DOCK3: variants seen among roughly 807,000 people sequenced by gnomAD.
DOCK3 encodes the protein dedicator of cytokinesis 3.
Under a neutral mutation model 265.6 loss-of-function variants are expected in DOCK3, and 60 were observed. The observed-to-expected ratio is 0.23, with a 90% CI of 0.18 to 0.28. The LOEUF (loss-of-function observed/expected upper bound fraction) is 0.28, where lower values mean the gene tolerates loss of function less well. Ranked by LOEUF, DOCK3 falls within the 10% of genes least tolerant of loss-of-function variation. The pLI is 1.00. For missense variants in DOCK3, 1,981 were observed against 2,594.3 expected (o/e 0.76, Z 5.14); for synonymous variants, 881 against 938.0 (o/e 0.94, Z 1.11).
chr3:51,187,293 G>A (rs1278703198), intron 12 of DOCK3, among the ~76,000 whole-genome samples: 1 of 152,204 alleles, frequency 6.6e-6, no homozygotes, highest in African/African-American at 2.4e-5. Context: ...CTTGCATGGG[G>A]CCTGTAGCCC....
At chr3:51,158,965 A>G (rs1183372136) in intron 10 of DOCK3, among the ~76,000 whole-genome samples, 4 of 152,224 alleles carry the variant, frequency 2.6e-5, no homozygotes, top group Non-Finnish European at 5.9e-5. Flanking sequence ...AGGCGATATC[A>G]TGAAGATTTC....
rs1194808368 is a variant in DOCK3 at position 51,064,571 on chromosome 3, A to G, written c.439A>G (p.Thr147Ala). The G allele has an allele frequency of 6.2e-7, 1 of 1,613,914 alleles. No individual in the cohort carries two copies. The highest frequency in any genetic ancestry group is 8.5e-7 in the Non-Finnish European group (1 of 1,179,854). Reference protein sequence around the residue: ...DQVREVKRHITVRLDWGNEHL... With the variant: ...DQVREVKRHIAVRLDWGNEHL... ...GGTGCGGGAGGTTAAGCGGCACATC[A>G]CCGTGCGCCTGGACTGGGGTAATGA... is the stretch of plus-strand genomic sequence containing the variant. The change falls in exon 6 of 53, where the codon ACC (threonine) becomes GCC (alanine). Residue 147 changes from threonine to alanine, a missense_variant. Around this residue, in one of 4 missense-constraint regions of DOCK3, gnomAD observed 456 missense variants for 539.0 expected, o/e 0.85. Coordinates refer to ENST00000266037, the MANE Select transcript of DOCK3 (RefSeq NM_004947.5).
At chr3:50,755,864 A>G (rs1257775429) in intron 1 of DOCK3, among the ~76,000 whole-genome samples, 1 of 152,228 alleles carries the variant, frequency 6.6e-6, no homozygotes, top group African/African-American at 2.4e-5. Context: ...TAGACTAATA[A>G]TATTCCACTG....
At position 51,142,364 on chromosome 3, in the gene DOCK3, CAAA is replaced by C. The variant is rs1448827168; in HGVS notation, c.747-4182_747-4180del. 3.3e-5 allele frequency among the ~76,000 whole-genome samples: 5 copies of C among 152,174 alleles called. No homozygotes were observed. In the South Asian group the frequency reaches 1.0e-3, roughly 32 times the overall value. On this transcript the variant is annotated intron_variant, in intron 9 of 52. Coordinates refer to ENST00000266037, the MANE Select transcript of DOCK3 (RefSeq NM_004947.5). ...AAGAAATAGAACATTTCATCACTCT[CAAA>C]AAGTTCCCTCATGTACCTTTGCAGT... is the stretch of plus-strand genomic sequence containing the variant.
chr3:50,981,559 A>G (rs571333645), intron 5 of DOCK3, among the ~76,000 whole-genome samples: 19 of 152,250 alleles, frequency 1.2e-4, no homozygotes, highest in African/African-American at 4.3e-4. Flanking sequence ...GTCCTTAACT[A>G]TGTTGTATTG....
chr3:50,719,814 C>A, intron 1 of DOCK3: 2 of 781,292 alleles, frequency 2.6e-6, no homozygotes, highest in Non-Finnish European at 2.3e-6. Context: ...TGGAATAATT[C>A]TGTGAAAGCA....
chr3:51,097,838 C>T (rs1210630394), intron 9 of DOCK3, among the ~76,000 whole-genome samples: 1 of 152,172 alleles, frequency 6.6e-6, no homozygotes, highest in Non-Finnish European at 1.5e-5. Context: ...TGGCACAGTC[C>T]CTCACGGCTT....
chr3:51,057,867 A>G (rs1169003171), intron 5 of DOCK3, among the ~76,000 whole-genome samples: 4 of 152,178 alleles, frequency 2.6e-5, no homozygotes, highest in Admixed American at 1.3e-4. Flanking sequence ...GGTGTAGGAT[A>G]AGTAATTTCA....
intron 32 of DOCK3, among the ~76,000 whole-genome samples, chr3:51,316,608 T>C (rs905312620): frequency 3.3e-5 from 5 of 152,266 alleles, no homozygotes; most frequent in Admixed American, 2.0e-4. Flanking sequence ...TTGCTCCGCA[T>C]ACTAACCAGT....
At chr3:51,335,015 C>T (rs1290558609) in intron 35 of DOCK3, among the ~76,000 whole-genome samples, 1 of 152,182 alleles carries the variant, frequency 6.6e-6, no homozygotes, top group Non-Finnish European at 1.5e-5. Flanking sequence ...TCATGCCCTA[C>T]ACACCAGCCT....
At chr3:50,848,320 C>T (rs946262972) in intron 3 of DOCK3, among the ~76,000 whole-genome samples, 24 of 152,064 alleles carry the variant, frequency 1.6e-4, no homozygotes, top group African/African-American at 4.3e-4. Flanking sequence ...TACTGATATG[C>T]GATGTTTTGA....
At chr3:51,083,308 G>A (rs565157330) in intron 7 of DOCK3, among the ~76,000 whole-genome samples, 47 of 152,112 alleles carry the variant, frequency 3.1e-4, no homozygotes, top group Non-Finnish European at 6.2e-4. Flanking sequence ...CTTTCCCTAT[G>A]TAAACCAATC....
chr3:50,832,990 A>G (rs889521362), intron 2 of DOCK3, among the ~76,000 whole-genome samples: 4 of 152,218 alleles, frequency 2.6e-5, no homozygotes, highest in African/African-American at 7.2e-5. Context: ...TATAACAGCA[A>G]TATATTCCAC....
At chr3:51,207,755 C>G (rs568902602) in intron 12 of DOCK3, among the ~76,000 whole-genome samples, 1 of 152,266 alleles carries the variant, frequency 6.6e-6, no homozygotes, top group African/African-American at 2.4e-5. Context: ...CCATGCTGAA[C>G]TGGACACATC....
intron 12 of DOCK3, among the ~76,000 whole-genome samples, chr3:51,168,433 G>GGCA (rs2107604888): frequency 6.6e-6 from 1 of 152,104 alleles, no homozygotes; most frequent in East Asian, 1.9e-4. Flanking sequence ...CCAGAAATAA[G>GGCA]GCAGCATGCC....
chr3:50,772,646 G>A (rs2041345159), intron 1 of DOCK3, among the ~76,000 whole-genome samples: 2 of 151,990 alleles, frequency 1.3e-5, no homozygotes, highest in Admixed American at 6.6e-5. Context: ...TATGTGCTAC[G>A]ATTATTCAAT....
chr3:51,174,035 C>T (rs2086817695), intron 12 of DOCK3, among the ~76,000 whole-genome samples: 1 of 152,150 alleles, frequency 6.6e-6, no homozygotes, highest in African/African-American at 2.4e-5. Context: ...TCTTTGAGTT[C>T]ACTAATTCTT....
At chr3:51,046,732 T>C (rs1044954794) in intron 5 of DOCK3, among the ~76,000 whole-genome samples, 2 of 151,994 alleles carry the variant, frequency 1.3e-5, no homozygotes, top group Non-Finnish European at 2.9e-5. Context: ...AATGACCCAA[T>C]AGACATACAC....
chr3:51,249,540 G>A (rs1486076460), intron 22 of DOCK3, among the ~76,000 whole-genome samples: 5 of 102,750 alleles, frequency 4.9e-5, no homozygotes, highest in Admixed American at 1.7e-4. Context: ...CGCCCGGTCC[G>A]GGAGGGAGGT....
Sources: gnomAD v4.1 joint callset for allele counts (sites outside exome capture counted in the v4.1 genomes callset) on GRCh38, gnomAD v4.1.1 for gene constraint, gnomAD v4.1.1 regional missense constraint, MANE v1.5 for transcripts, NCBI Gene and HGNC (gene_info 2026-07-23, HGNC 2026-07-21) for gene names.